CCDC178: variants seen among roughly 807,000 people sequenced by gnomAD.
CCDC178 encodes the protein coiled-coil domain containing 178, also known as coiled-coil domain-containing protein 178.
CCDC178 carries 126 observed loss-of-function variants against 117.4 expected under a neutral mutation model. The ratio of observed to expected loss-of-function variants is 1.07; its 90% CI spans 0.93 to 1.24. CCDC178 has a LOEUF of 1.24. Ranked by LOEUF, CCDC178 falls within the 50% of genes most tolerant of loss-of-function variation. CCDC178 has a pLI of 0.00. For missense variants in CCDC178, 1,030 were observed against 986.9 expected (o/e 1.04, Z -0.59); for synonymous variants, 283 against 313.4 (o/e 0.90, Z 1.02).
chr18:33,124,721 G>T (rs2057982954), intron 20 of CCDC178, among the ~76,000 whole-genome samples: 1 of 152,106 alleles, frequency 6.6e-6, no homozygotes. Context: ...ACGTGCAAAA[G>T]AACATTTTCC....
chr18:33,433,533 C>T (rs746675507), intron 2 of CCDC178, among the ~76,000 whole-genome samples: 15 of 152,064 alleles, frequency 9.9e-5, no homozygotes, highest in African/African-American at 1.4e-4. Context: ...CAATGTTCCT[C>T]CACTTAACAA....
intron 20 of CCDC178, among the ~76,000 whole-genome samples, chr18:33,164,568 A>AT (rs968599448): frequency 6.6e-5 from 10 of 151,732 alleles, no homozygotes; most frequent in African/African-American, 2.2e-4. Context: ...TAAATAACAT[A>AT]TTTTTTGTGC....
chr18:33,109,365 T>C (rs2057749893), intron 20 of CCDC178, among the ~76,000 whole-genome samples: 2 of 151,660 alleles, frequency 1.3e-5, no homozygotes, highest in African/African-American at 2.4e-5. Flanking sequence ...ATCCAGAATA[T>C]ATCTTCAGAA....
chr18:33,306,651 C>T lies in CCDC178; in HGVS notation c.1023-13339G>A, dbSNP rs541107882. Reference sequence around the variant, plus strand: ...ATATATATAAGGTTATATGTTATGTCTAGCATGCTACCAAATGGCTTATAA... The same window carrying T: ...ATATATATAAGGTTATATGTTATGTTTAGCATGCTACCAAATGGCTTATAA... On this transcript the variant is annotated intron_variant, in intron 11 of 22. Coordinates refer to ENST00000383096, the MANE Select transcript of CCDC178 (RefSeq NM_001105528.4). Among the ~76,000 whole-genome samples the T allele has an allele frequency of 1.0e-4, 15 of 148,272 alleles. No homozygotes were observed. The South Asian group carries it at 3.2e-3, about 31-fold the overall frequency.
chr18:33,132,421 T>C (rs2058076918), intron 20 of CCDC178, among the ~76,000 whole-genome samples: 7 of 151,774 alleles, frequency 4.6e-5, no homozygotes. Flanking sequence ...AACATCTATA[T>C]ATTACGTTGT....
At chr18:33,390,587 C>A (rs914805708) in intron 4 of CCDC178, among the ~76,000 whole-genome samples, 1 of 151,896 alleles carries the variant, frequency 6.6e-6, no homozygotes, top group African/African-American at 2.4e-5. Flanking sequence ...AAAACATACT[C>A]GATGCATTTA....
At position 33,224,915 on chromosome 18, in the gene CCDC178, C is replaced by T. The variant is rs778651870; in HGVS notation, c.1678G>A (p.Glu560Lys). The T allele has an allele frequency of 6.6e-6, 10 of 1,506,910 alleles. No homozygotes were observed. The highest frequency in any genetic ancestry group is 5.0e-5 in the East Asian group (2 of 40,374). 93.3% of individuals were successfully genotyped at this position (1,506,910 alleles called of 1,614,324 possible). A position where few individuals can be genotyped will look rare whatever the true frequency, so the allele number is the denominator to read the frequency against. Residue 560 changes from glutamate (E) to lysine (K), a missense_variant, in exon 17 of 23, where the codon GAA (glutamate) becomes AAA (lysine). By Grantham distance (56) the Glu-to-Lys change is moderately conservative. Coordinates refer to ENST00000383096, the MANE Select transcript of CCDC178 (RefSeq NM_001105528.4). ...VLQKKLYSIY[E>K]VQALERKELI... Reference sequence around the variant, plus strand: ...TCTTTCCGCTCAAGTGCCTGGACTTCGTAAATGGAATATAGTTTTTTCTGC... The same window carrying T: ...TCTTTCCGCTCAAGTGCCTGGACTTTGTAAATGGAATATAGTTTTTTCTGC...
intron 21 of CCDC178, among the ~76,000 whole-genome samples, chr18:33,009,956 G>A (rs560622468): frequency 6.6e-6 from 1 of 152,214 alleles, no homozygotes; most frequent in African/African-American, 2.4e-5. Flanking sequence ...CAGGTGAAGT[G>A]AACTCTCCCA....
chr18:33,012,228 T>C (rs1285215751), intron 21 of CCDC178, among the ~76,000 whole-genome samples: 1 of 152,196 alleles, frequency 6.6e-6, no homozygotes, highest in Non-Finnish European at 1.5e-5. Flanking sequence ...TTTTCCTGTA[T>C]TTTATTTTTA....
chr18:33,329,002 T>C (rs2062627153), intron 10 of CCDC178, among the ~76,000 whole-genome samples: 1 of 152,184 alleles, frequency 6.6e-6, no homozygotes, highest in Non-Finnish European at 1.5e-5. Context: ...GTTTTTGCTA[T>C]ATAAATCTTT....
intron 21 of CCDC178, among the ~76,000 whole-genome samples, chr18:33,056,215 G>A (rs937571905): frequency 6.6e-6 from 1 of 152,160 alleles, no homozygotes; most frequent in Non-Finnish European, 1.5e-5. Context: ...TCTGGCTTCT[G>A]CCTTCATCTT....
intron 21 of CCDC178, among the ~76,000 whole-genome samples, chr18:33,003,299 A>G (rs1247942472): frequency 6.6e-6 from 1 of 152,178 alleles, no homozygotes; most frequent in Non-Finnish European, 1.5e-5. Flanking sequence ...AAATATTAAC[A>G]AACTGAGTTC....
At chr18:33,379,677 T>A (rs2063415328) in intron 5 of CCDC178, among the ~76,000 whole-genome samples, 1 of 152,104 alleles carries the variant, frequency 6.6e-6, no homozygotes, top group Non-Finnish European at 1.5e-5. Flanking sequence ...GAGGGTGGCT[T>A]AAACTCCAAC....
At chr18:33,341,992 T>G (rs1310514211) in intron 9 of CCDC178, among the ~76,000 whole-genome samples, 1 of 150,168 alleles carries the variant, frequency 6.7e-6, no homozygotes, top group African/African-American at 2.5e-5. Context: ...AAACTCTAAC[T>G]TGAAACTTAA....
At chr18:33,220,118 G>T (rs2059213144) in intron 18 of CCDC178, among the ~76,000 whole-genome samples, 2 of 151,944 alleles carry the variant, frequency 1.3e-5, no homozygotes, top group African/African-American at 4.8e-5. Flanking sequence ...TAGATGTCAG[G>T]TAGGAACAAA....
intron 14 of CCDC178, among the ~76,000 whole-genome samples, chr18:33,263,712 A>C (rs2059779189): frequency 6.6e-6 from 1 of 152,162 alleles, no homozygotes; most frequent in South Asian, 2.1e-4. Context: ...CTCTTAAGGC[A>C]CTGGAACTTT....
intron 2 of CCDC178, among the ~76,000 whole-genome samples, chr18:33,434,320 A>G (rs965772538): frequency 1.1e-4 from 17 of 152,202 alleles, no homozygotes; most frequent in Non-Finnish European, 2.4e-4. Flanking sequence ...AATTTATTAC[A>G]AAGAAATTAC....
chr18:33,070,386 G>A (rs143680478), intron 21 of CCDC178, among the ~76,000 whole-genome samples: 29 of 151,942 alleles, frequency 1.9e-4, no homozygotes, highest in Non-Finnish European at 4.4e-5. Flanking sequence ...TGAAACCGGA[G>A]GTCATTATGT....
chr18:33,181,439 C>T (rs2058731568), intron 20 of CCDC178, among the ~76,000 whole-genome samples: 1 of 151,772 alleles, frequency 6.6e-6, no homozygotes, highest in African/African-American at 2.4e-5. Context: ...AATCTTTTAA[C>T]CTAAGAAGAT....
Sources: allele counts gnomAD v4.1 joint callset (sites outside exome capture counted in the v4.1 genomes callset), GRCh38; gene constraint gnomAD v4.1.1; transcripts MANE v1.5; gene names NCBI Gene and HGNC (gene_info 2026-07-23, HGNC 2026-07-21).